The following UBXN8 variants were observed in gnomAD, a reference collection of about 807,000 sequenced individuals.
UBXN8 encodes the protein UBX domain protein 8.
Under a neutral mutation model 32.1 loss-of-function variants are expected in UBXN8, and 27 were observed. The observed-to-expected ratio is 0.84, with a 90% CI of 0.62 to 1.16. UBXN8 has a LOEUF of 1.16. UBXN8 is among the 50% of genes most tolerant of loss of function. The probability of loss-of-function intolerance (pLI) is 0.00; values close to 1 mark genes in which losing one functional copy is unlikely to be tolerated. For missense variants in UBXN8, 306 were observed against 311.4 expected, an observed-to-expected ratio of 0.98 and a Z score of 0.13; for synonymous variants, 109 against 111.8, an observed-to-expected ratio of 0.98 and a Z score of 0.16.
chr8:30,757,186 T>C (rs1805686843), intron 5 of UBXN8, among the ~76,000 whole-genome samples: 1 of 150,738 alleles, frequency 6.6e-6, no homozygotes, highest in Admixed American at 6.6e-5. Context: ...TAATTTTCCC[T>C]GTTCAATATT....
At chr8:30,739,318 G>A (rs1231595129), upstream of UBXN8, among the ~76,000 whole-genome samples, 2 of 150,854 alleles carry the variant, frequency 1.3e-5, no homozygotes, top group Non-Finnish European at 3.0e-5. Flanking sequence ...GCCGAGGCGG[G>A]TGGATCACGA....
At chr8:30,753,980 G>A (rs146386506) in intron 3 of UBXN8, among the ~76,000 whole-genome samples, 1 of 152,028 alleles carries the variant, frequency 6.6e-6, no homozygotes, top group Admixed American at 6.6e-5. Context: ...GGTGGTGCAC[G>A]CCTGTAATCC....
upstream of UBXN8, among the ~76,000 whole-genome samples, chr8:30,743,668 G>C (rs1805268505): frequency 6.6e-6 from 1 of 152,238 alleles, no homozygotes; most frequent in South Asian, 2.1e-4. Flanking sequence ...TTAGGGGGCA[G>C]GTATTTGGAG....
intron 1 of UBXN8, among the ~76,000 whole-genome samples, chr8:30,751,176 A>G (rs1220739515): frequency 2.0e-5 from 3 of 152,208 alleles, no homozygotes; most frequent in Non-Finnish European, 4.4e-5. Context: ...CTTTTCCAGT[A>G]CAAATAATCT....
chr8:30,759,809 T>G (rs912768884), intron 5 of UBXN8, among the ~76,000 whole-genome samples: 1 of 150,346 alleles, frequency 6.7e-6, no homozygotes, highest in African/African-American at 2.4e-5. Flanking sequence ...TACAAAAAAT[T>G]AGCGGGGCAT....
At chr8:30,752,066 A>AT (rs1488244010) in intron 2 of UBXN8, among the ~76,000 whole-genome samples, 1 of 151,082 alleles carries the variant, frequency 6.6e-6, no homozygotes, top group Non-Finnish European at 1.5e-5. Flanking sequence ...TAATTTTTGT[A>AT]TTTTTTGTAG....
chr8:30,743,554 T>C (rs553607156), upstream of UBXN8, among the ~76,000 whole-genome samples: 2 of 152,162 alleles, frequency 1.3e-5, no homozygotes, highest in Admixed American at 6.5e-5. Flanking sequence ...AATGAGGTCA[T>C]GGAACTATGA....
In UBXN8 at chr8:30,747,894, CTTTTTTTTTTTTTT is replaced by C. The variant is rs67334347; in HGVS notation, c.89-3491_89-3478del. 7.6e-3 allele frequency among the ~76,000 whole-genome samples: 271 copies of C among 35,656 alleles called. 45 individuals carry two copies. The highest frequency in any genetic ancestry group is 0.027 in the African/African-American group (254 of 9,406). The allele number at this position is 35,656 out of a possible 152,430, so 23.4% of individuals were successfully genotyped here. A position where few individuals can be genotyped will look rare whatever the true frequency, so the allele number is the denominator to read the frequency against. On this transcript the variant is annotated intron_variant, in intron 1 of 7. Coordinates refer to ENST00000265616, the MANE Select transcript of UBXN8 (RefSeq NM_005671.4). ...TTTCTTTTTTTAATATATATTTTTT[CTTTTTTTTTTTTTT>C]TTTTTTTTTTGCTACCTTTGGATTC... is the stretch of plus-strand genomic sequence containing the variant.
chr8:30,757,274 G>A (rs1435138720), intron 5 of UBXN8, among the ~76,000 whole-genome samples: 1 of 152,106 alleles, frequency 6.6e-6, no homozygotes. Context: ...TCTTAGCCAG[G>A]CACTGTGGCT....
chr8:30,757,043 G>A (rs770266548), intron 5 of UBXN8, among the ~76,000 whole-genome samples, 156 bp downstream of exon 5: 1 of 152,048 alleles, frequency 6.6e-6, no homozygotes, highest in Admixed American at 6.6e-5. Context: ...AGAATAGGCC[G>A]GGCATGGTGG....
At chr8:30,764,227 A>G (rs1027110255) in intron 7 of UBXN8, among the ~76,000 whole-genome samples, 13 of 152,266 alleles carry the variant, frequency 8.5e-5, no homozygotes, top group African/African-American at 2.4e-4. Flanking sequence ...CAAGAATGCT[A>G]TAAACCGTAA....
rs772842848 is a variant in UBXN8, at chr8:30,754,729, A to G, written c.347A>G (p.Glu116Gly). ...HQEMKLRKLE[E>G]RFYQMTGEAW... The stretch of plus-strand genomic sequence containing the variant: ...GAAATGAAATTGAGAAAACTGGAGG[A>G]GCGCTTTTATCAAATGACGGGTGAA... Residue 116 changes from glutamate to glycine, a missense_variant, in exon 4 of 8, where the codon GAG becomes GGG. Glu to Gly is a moderately conservative substitution (Grantham distance 98, BLOSUM62 -2). Coordinates refer to ENST00000265616, the MANE Select transcript of UBXN8 (RefSeq NM_005671.4). 4 of 1,566,060 alleles carry G rather than the reference A, an allele frequency of 2.6e-6. No individual in the cohort carries two copies. Among genetic ancestry groups the G allele is most frequent in the Non-Finnish European group, 3.4e-6 (4 of 1,165,770 alleles).
At chr8:30,739,583 CAAA>C (rs1805152816), upstream of UBXN8, among the ~76,000 whole-genome samples, 1 of 151,980 alleles carries the variant, frequency 6.6e-6, no homozygotes, top group Admixed American at 6.6e-5. Flanking sequence ...ATCACACACA[CAAA>C]TGAGTATCTG....
intron 5 of UBXN8, among the ~76,000 whole-genome samples, chr8:30,757,736 G>C (rs1398301234): frequency 1.3e-5 from 2 of 151,090 alleles, no homozygotes; most frequent in East Asian, 4.0e-4. Flanking sequence ...GCAGGCGCCT[G>C]TAATCCCAGC....
intron 6 of UBXN8, 21 bp downstream of exon 6, chr8:30,760,950 G>A (rs766712890): frequency 2.6e-5 from 38 of 1,475,200 alleles, no homozygotes; most frequent in South Asian, 6.5e-5. Context: ...TTTTCTCTTC[G>A]AAAATTAAAC....
chr8:30,757,926 G>A (rs941781214), intron 5 of UBXN8, among the ~76,000 whole-genome samples: 10 of 150,278 alleles, frequency 6.7e-5, no homozygotes, highest in Admixed American at 2.0e-4. Flanking sequence ...TCACTCTGTC[G>A]CCCAGACTGG....
At chr8:30,758,900 T>TGG (rs745561771) in intron 5 of UBXN8, among the ~76,000 whole-genome samples, 5 of 121,994 alleles carry the variant, frequency 4.1e-5, no homozygotes, top group Admixed American at 9.1e-5. Flanking sequence ...TTTTGTTTTT[T>TGG]TTTTTTTTTT....
chr8:30,762,874 G>T (rs529751547), intron 6 of UBXN8, among the ~76,000 whole-genome samples: 2 of 14,404 alleles, frequency 1.4e-4, no homozygotes, highest in African/African-American at 2.5e-4. Context: ...ATTTTATAAT[G>T]TCTTTTTTTT....
intron 2 of UBXN8, among the ~76,000 whole-genome samples, chr8:30,751,905 T>C (rs1000054446): frequency 6.6e-6 from 1 of 151,258 alleles, no homozygotes; most frequent in African/African-American, 2.4e-5. Context: ...TTTTTTTTTT[T>C]TTTTTTTGAG....
Sources: gnomAD v4.1 joint callset for allele counts (sites outside exome capture counted in the v4.1 genomes callset) on GRCh38, gnomAD v4.1.1 for gene constraint, MANE v1.5 for transcripts, NCBI Gene and HGNC (gene_info 2026-07-23, HGNC 2026-07-21) for gene names.